The following HIPK3 variants were observed in gnomAD, a reference collection of about 807,000 sequenced individuals.
The protein encoded by HIPK3 is homeodomain interacting protein kinase 3.
HIPK3 carries 47 observed loss-of-function variants against 124.2 expected under a neutral mutation model. That is an observed-to-expected ratio of 0.38 (90% CI 0.30 to 0.48). HIPK3 has a LOEUF of 0.48. Among genes scored for constraint, HIPK3 ranks in the 20% least tolerant of loss-of-function variants. The probability of loss-of-function intolerance (pLI) is 0.98; values close to 1 mark genes in which losing one functional copy is unlikely to be tolerated. For missense variants in HIPK3, 1,286 were observed against 1,454.3 expected (o/e 0.88, Z 1.88); for synonymous variants, 482 against 515.2 (o/e 0.94, Z 0.87).
intron 3 of HIPK3, among the ~76,000 whole-genome samples, chr11:33,334,950 G>C (rs1565091313): frequency 6.6e-6 from 1 of 152,204 alleles, no homozygotes; most frequent in Non-Finnish European, 1.5e-5. Flanking sequence ...AAGAGGATCT[G>C]AGGTAGGGAT....
chr11:33,281,192 C>T (rs1565060507), intron 1 of HIPK3, among the ~76,000 whole-genome samples: 1 of 151,576 alleles, frequency 6.6e-6, no homozygotes, highest in Admixed American at 6.6e-5. Flanking sequence ...GTCTCAGCCT[C>T]CCGAGTAGCT....
chr11:33,280,928 T>G (rs16924091), intron 1 of HIPK3, among the ~76,000 whole-genome samples: 14,932 of 152,140 alleles, frequency 0.098, 1,667 homozygotes, highest in African/African-American at 0.28. Flanking sequence ...AGATCATTGG[T>G]TCTCAGATTT....
At position 33,287,458 on chromosome 11, in the gene HIPK3, C is replaced by T. The variant is rs1260018702; in HGVS notation, c.1044C>T (p.Ala348=). ...TTAAAGTAATAGACTTTGGGTCGGC[C>T]AGTCATGTATCAAAGACTGTTTGTT... ...YRVKVIDFGS[A]SHVSKTVCST... Residue 348 remains alanine, a synonymous_variant, in exon 2 of 17, where the codon GCC becomes GCT. Coordinates refer to ENST00000303296, the MANE Select transcript of HIPK3 (RefSeq NM_005734.5). 1.2e-6 allele frequency: 2 copies of T among 1,613,970 alleles called. No individual in the cohort carries two copies. Among genetic ancestry groups the T allele is most frequent in the Non-Finnish European group, 1.7e-6 (2 of 1,179,952 alleles).
chr11:33,291,887 T>C (rs1851707970), intron 2 of HIPK3, among the ~76,000 whole-genome samples: 1 of 152,196 alleles, frequency 6.6e-6, no homozygotes, highest in Non-Finnish European at 1.5e-5. Context: ...TGTTGAGTTT[T>C]AAAAAATGCT....
intron 2 of HIPK3, among the ~76,000 whole-genome samples, chr11:33,328,280 A>G (rs1010777951): frequency 6.6e-6 from 1 of 152,140 alleles, no homozygotes; most frequent in African/African-American, 2.4e-5. Context: ...ACTATAAGGG[A>G]AAAGGATTAC....
intron 14 of HIPK3, among the ~76,000 whole-genome samples, chr11:33,350,383 C>T (rs189956280): frequency 6.6e-6 from 1 of 152,072 alleles, no homozygotes; most frequent in Admixed American, 6.6e-5. Flanking sequence ...AGATAAGCCA[C>T]AGTCTAGGCA....
intron 1 of HIPK3, among the ~76,000 whole-genome samples, chr11:33,276,490 T>C (rs1451736672): frequency 6.6e-6 from 1 of 152,220 alleles, no homozygotes; most frequent in Admixed American, 6.5e-5. Context: ...ATAGTTGATA[T>C]ACAATCACGT....
chr11:33,320,040 C>T (rs549851586), intron 2 of HIPK3, among the ~76,000 whole-genome samples: 1 of 152,322 alleles, frequency 6.6e-6, no homozygotes, highest in African/African-American at 2.4e-5. Flanking sequence ...CTGGAACTCT[C>T]TTCTCCCAGA....
At chr11:33,342,686 G>T (rs990729164) in intron 8 of HIPK3, among the ~76,000 whole-genome samples, 2 of 152,220 alleles carry the variant, frequency 1.3e-5, no homozygotes, top group South Asian at 4.1e-4. Flanking sequence ...TAGCTGGGAA[G>T]CTGGGATTAC....
At chr11:33,297,778 CTTTTTTTTTTTTT>C (rs1015881408) in intron 2 of HIPK3, among the ~76,000 whole-genome samples, 9 of 81,992 alleles carry the variant, frequency 1.1e-4, no homozygotes, top group Admixed American at 5.2e-4. Context: ...AAAGAACAGG[CTTTTTTTTTTTTT>C]TTTTTTTTTT....
Position 33,348,710 on chromosome 11 carries a change from A to G in HIPK3, c.2558A>G (p.Gln853Arg). The G allele has an allele frequency of 6.2e-7, 1 of 1,614,224 alleles. No homozygotes were observed. Among genetic ancestry groups the G allele is most frequent in the Non-Finnish European group, 8.5e-7 (1 of 1,180,032 alleles). Residue 853 changes from glutamine (Q) to arginine (R), a missense_variant, in exon 13 of 17, where the codon CAG (glutamine) becomes CGG (arginine). By Grantham distance (43) the Gln-to-Arg change is conservative (BLOSUM62 1). Around this residue, in one of 3 missense-constraint regions of HIPK3, gnomAD observed 810 missense variants for 864.9 expected, o/e 0.94. Coordinates refer to ENST00000303296, the MANE Select transcript of HIPK3 (RefSeq NM_005734.5). Reference protein sequence around the residue: ...QDSDSSVSDKQRQTIIIADSP... With the variant: ...QDSDSSVSDKRRQTIIIADSP... Reference sequence around the variant, plus strand: ...TCTGATTCATCAGTTTCAGACAAACAGCGGCAAACCATCATTATTGCCGAC... The same window carrying G: ...TCTGATTCATCAGTTTCAGACAAACGGCGGCAAACCATCATTATTGCCGAC...
rs527606058 is a variant in HIPK3, at chr11:33,310,892, T to C, written c.1098-17618T>C. 1.8e-3 allele frequency among the ~76,000 whole-genome samples: 278 copies of C among 152,318 alleles called. 1 individual carries two copies. Among genetic ancestry groups the C allele is most frequent in the Non-Finnish European group, 2.9e-3 (200 of 68,032 alleles). ...AGACCGGTCTGTTTCAGTTTGTCTT[T>C]GTTCTAGTAGTTCAGCCCTTTGTGG... On this transcript the variant is annotated intron_variant, in intron 2 of 16. Transcript: ENST00000303296.
rs113894911 is a variant in HIPK3, at chr11:33,318,214, T to C, written c.1098-10296T>C. On this transcript the variant is annotated intron_variant, in intron 2 of 16. Transcript: ENST00000303296. ...CCATTAAGATAAAAGTCCAATAGTT[T>C]TTTTTCTTAAATTTTTTTTATTTTT... Among the ~76,000 whole-genome samples, 35 of 151,850 alleles carry C rather than the reference T, an allele frequency of 2.3e-4. 1 individual carries two copies. The highest frequency in any genetic ancestry group is 5.2e-4 in the Non-Finnish European group (35 of 67,916).
At chr11:33,338,716 GTAA>G in intron 4 of HIPK3, 38 bp from the exon 5 acceptor site, 1 of 1,297,884 alleles carries the variant, frequency 7.7e-7, no homozygotes, top group Non-Finnish European at 1.1e-6. Flanking sequence ...AAAGAAATTT[GTAA>G]TAATGTATTC....
intron 1 of HIPK3, among the ~76,000 whole-genome samples, chr11:33,265,542 GGT>G (rs1348768628): frequency 6.6e-6 from 1 of 151,822 alleles, no homozygotes; most frequent in East Asian, 1.9e-4. Flanking sequence ...GGGAGGCTGT[GGT>G]GTGTGGATCG....
chr11:33,282,765 A>G (rs1851445576), intron 1 of HIPK3, among the ~76,000 whole-genome samples: 1 of 152,104 alleles, frequency 6.6e-6, no homozygotes, highest in East Asian at 1.9e-4. Context: ...GTAAATTAGG[A>G]GAATCATGGC....
intron 3 of HIPK3, among the ~76,000 whole-genome samples, chr11:33,331,701 AT>A (rs1357417909): frequency 6.6e-6 from 1 of 151,906 alleles, no homozygotes; most frequent in African/African-American, 2.4e-5. Context: ...TCTAATTATT[AT>A]TTTTTGCCTT....
At chr11:33,267,541 G>C (rs1473027711) in intron 1 of HIPK3, among the ~76,000 whole-genome samples, 2 of 151,952 alleles carry the variant, frequency 1.3e-5, no homozygotes, top group Non-Finnish European at 2.9e-5. Context: ...TGTCCCCCAG[G>C]CTGGAGTGCA....
intron 2 of HIPK3, among the ~76,000 whole-genome samples, chr11:33,288,332 A>G (rs772073704): frequency 3.9e-5 from 6 of 152,162 alleles, no homozygotes; most frequent in Admixed American, 1.3e-4. Context: ...GTGGGTGTCT[A>G]TAATCCCAGC....
Sources: allele counts gnomAD v4.1 joint callset (sites outside exome capture counted in the v4.1 genomes callset), GRCh38; gene constraint gnomAD v4.1.1; regional missense constraint gnomAD v4.1.1; transcripts MANE v1.5; gene names NCBI Gene and HGNC (gene_info 2026-07-23, HGNC 2026-07-21).